FBN1: variants seen among roughly 807,000 people sequenced by gnomAD.
The protein encoded by FBN1 is fibrillin 1.
A neutral mutation model predicts 365.1 loss-of-function variants in FBN1; 29 were observed. That is an observed-to-expected ratio of 0.08 (90% CI 0.06 to 0.11). The LOEUF is 0.11. FBN1 is among the 10% of genes least tolerant of loss of function. The pLI, the probability that FBN1 is intolerant of heterozygous loss-of-function variation, is 1.00. For synonymous variants in FBN1, 1,210 were observed against 1,270.5 expected, an observed-to-expected ratio of 0.95 and a Z score of 1.01; for missense variants, 2,476 against 3,703.2, an observed-to-expected ratio of 0.67 and a Z score of 8.60.
chr15:48,497,185 T>C, intron 19 of FBN1, 81 bp downstream of exon 19: 2 of 1,566,438 alleles, frequency 1.3e-6, no homozygotes, highest in Non-Finnish European at 1.8e-6. Flanking sequence ...TCTAAGCTAC[T>C]CAAAGGCAGT....
intron 9 of FBN1, among the ~76,000 whole-genome samples, chr15:48,521,161 A>G (rs1234352988): frequency 2.0e-5 from 3 of 152,242 alleles, no homozygotes; most frequent in African/African-American, 4.8e-5. Context: ...ACATGTCTCT[A>G]TGCTGAAGAG....
intron 2 of FBN1, among the ~76,000 whole-genome samples, chr15:48,638,307 C>T (rs1890133636): frequency 6.6e-6 from 1 of 152,042 alleles, no homozygotes; most frequent in African/African-American, 2.4e-5. Context: ...AGTCTTTCCA[C>T]ATAGCAATGG....
intron 6 of FBN1, among the ~76,000 whole-genome samples, chr15:48,581,743 T>C (rs773956334): frequency 6.6e-6 from 1 of 152,036 alleles, no homozygotes; most frequent in Non-Finnish European, 1.5e-5. Flanking sequence ...AGAACAAAGA[T>C]AGAGCTAAAA....
chr15:48,534,319 A>G, intron 7 of FBN1, 114 bp from the exon 8 acceptor site: 2 of 1,092,866 alleles, frequency 1.8e-6, no homozygotes, highest in Non-Finnish European at 2.7e-6. Flanking sequence ...TCGGTGAGTT[A>G]TTTGTCCATC....
intron 44 of FBN1, among the ~76,000 whole-genome samples, chr15:48,454,321 A>G (rs1213732237): frequency 1.3e-5 from 2 of 152,196 alleles, no homozygotes; most frequent in Non-Finnish European, 2.9e-5. Context: ...AAAACCTAAC[A>G]TGGGAGTTAT....
At chr15:48,495,728 A>T in intron 20 of FBN1, 140 bp from the exon 21 acceptor site, 1 of 1,015,028 alleles carries the variant, frequency 9.9e-7, no homozygotes. Flanking sequence ...CCTACACTAG[A>T]TGGAATGCCA....
Position 48,487,097 on chromosome 15 carries a change from A to G in FBN1, c.3567T>C (p.Thr1189=). The G allele has an allele frequency of 6.2e-7, 1 of 1,613,848 alleles. No homozygotes were observed. The highest frequency in any genetic ancestry group is 8.5e-7 in the Non-Finnish European group (1 of 1,179,880). The part of the protein sequence containing the change: ...QCACNPGYHS[T]PDRLFCVDID... ...TACCAACACAAAATAGCCTATCGGGAGTTGAATGGTAGCCAGGGTTGCAGG... is the reference window on the plus strand; with the variant it reads ...TACCAACACAAAATAGCCTATCGGGGGTTGAATGGTAGCCAGGGTTGCAGG... The change falls in exon 29 of 66, where the codon ACT becomes ACC. Residue 1189 remains threonine, a synonymous_variant. Transcript: ENST00000316623.
intron 14 of FBN1, 109 bp downstream of exon 14, chr15:48,509,935 A>C: frequency 8.4e-7 from 1 of 1,188,050 alleles, no homozygotes; most frequent in Non-Finnish European, 1.2e-6. Context: ...AAAATATATA[A>C]AACATATTTG....
rs1418564134 is a variant in FBN1, at chr15:48,542,831, AT to A, written c.539-5024del. 2.9e-3 allele frequency among the ~76,000 whole-genome samples: 240 copies of A among 82,196 alleles called. 2 individuals are homozygous for A. Among genetic ancestry groups the A allele is most frequent in the African/African-American group, 0.014 (227 of 16,596 alleles). 53.9% of individuals were successfully genotyped at this position (82,196 alleles called of 152,430 possible). On this transcript the variant is annotated intron_variant, in intron 6 of 65. Coordinates refer to ENST00000316623, the MANE Select transcript of FBN1 (RefSeq NM_000138.5). ...TGTGTGTGTGTGTGTGTGTGTGTGT[AT>A]TTTTTTTCCTTCTTTCTCTTTTCCT...
At chr15:48,625,751 G>A (rs531242651) in intron 2 of FBN1, among the ~76,000 whole-genome samples, 186 of 152,350 alleles carry the variant, frequency 1.2e-3, no homozygotes, top group Non-Finnish European at 2.3e-3. Flanking sequence ...AAGCAAGTCC[G>A]TTTTGAATCC....
intron 58 of FBN1, among the ~76,000 whole-genome samples, chr15:48,426,137 C>T (rs1361848654): frequency 1.3e-5 from 2 of 152,128 alleles, no homozygotes; most frequent in African/African-American, 2.4e-5. Flanking sequence ...TTTTTCTCTT[C>T]TGGATCCATA....
At chr15:48,495,311 T>C in intron 21 of FBN1, 51 bp from the exon 22 acceptor site, 3 of 1,606,070 alleles carry the variant, frequency 1.9e-6, no homozygotes, top group Middle Eastern at 2.0e-4. Flanking sequence ...AATTCAAACA[T>C]ACACCTTGGA....
At chr15:48,505,185 C>T in intron 15 of FBN1, 38 bp from the exon 16 acceptor site, 2 of 1,613,016 alleles carry the variant, frequency 1.2e-6, no homozygotes, top group Non-Finnish European at 8.5e-7. Context: ...AATGAAGTGA[C>T]ATTTATCTAA....
intron 36 of FBN1, among the ~76,000 whole-genome samples, chr15:48,468,976 G>A (rs1258622232): frequency 4.0e-5 from 6 of 151,176 alleles, no homozygotes; most frequent in South Asian, 2.1e-4. Context: ...GCTGAGGCAG[G>A]AGAATGGCAT....
chr15:48,554,978 C>T (rs1874904344), intron 6 of FBN1, among the ~76,000 whole-genome samples: 1 of 152,180 alleles, frequency 6.6e-6, no homozygotes, highest in African/African-American at 2.4e-5. Context: ...AACCTTTATA[C>T]CCAACATGCA....
At chr15:48,498,726 C>A (rs2043629623) in intron 18 of FBN1, among the ~76,000 whole-genome samples, 1 of 152,152 alleles carries the variant, frequency 6.6e-6, no homozygotes, top group Non-Finnish European at 1.5e-5. Flanking sequence ...CATCTGCGAG[C>A]ACCCATCAAC....
intron 7 of FBN1, among the ~76,000 whole-genome samples, chr15:48,536,866 T>C (rs980614054): frequency 3.9e-5 from 6 of 152,160 alleles, no homozygotes; most frequent in African/African-American, 1.4e-4. Context: ...TTTCTGAAAA[T>C]ATTGCAACTT....
chr15:48,459,299 G>A (rs1008444328), intron 43 of FBN1, among the ~76,000 whole-genome samples: 1 of 152,152 alleles, frequency 6.6e-6, no homozygotes, highest in Non-Finnish European at 1.5e-5. Flanking sequence ...AGCAGCTAGG[G>A]CCAGGTGTTC....
chr15:48,423,965 A>G (rs969678692), intron 60 of FBN1, among the ~76,000 whole-genome samples: 3 of 152,082 alleles, frequency 2.0e-5, no homozygotes, highest in African/African-American at 7.2e-5. Context: ...ACTTTTGAGA[A>G]TTTTCTGCCC....
Sources: allele counts gnomAD v4.1 joint callset (sites outside exome capture counted in the v4.1 genomes callset), GRCh38; gene constraint gnomAD v4.1.1; transcripts MANE v1.5; gene names NCBI Gene and HGNC (gene_info 2026-07-23, HGNC 2026-07-21).